Variants in MYO16 observed in about 807,000 individuals in gnomAD.
The protein encoded by MYO16 is myosin XVI.
Under a neutral mutation model 205.3 loss-of-function variants are expected in MYO16, and 94 were observed. That is an observed-to-expected ratio of 0.46 (90% CI 0.39 to 0.54). The LOEUF is 0.54. Ranked by LOEUF, MYO16 falls within the 20% of genes least tolerant of loss-of-function variation. The pLI is 0.00. For missense variants in MYO16, 2,315 were observed against 2,387.5 expected (o/e 0.97, Z 0.63); for synonymous variants, 988 against 954.0 (o/e 1.04, Z -0.66).
intron 15 of MYO16, among the ~76,000 whole-genome samples, chr13:108,903,520 A>ATG (rs1383432231): frequency 1.3e-5 from 2 of 152,178 alleles, no homozygotes; most frequent in African/African-American, 4.8e-5. Context: ...CAATATGTAT[A>ATG]TGTATTTTTT....
chr13:108,723,187 T>A (rs923367514), intron 3 of MYO16, among the ~76,000 whole-genome samples: 2 of 152,180 alleles, frequency 1.3e-5, no homozygotes, highest in African/African-American at 4.8e-5. Context: ...TATTTTGCCT[T>A]ATCTTTGAAG....
chr13:108,814,969 A>C lies in MYO16; in HGVS notation c.868-5368A>C, dbSNP rs373959844. On this transcript the variant is annotated intron_variant, in intron 7 of 34. Coordinates refer to ENST00000457511, the MANE Select transcript of MYO16 (RefSeq NM_001198950.3). ...TGAAAATGAAAGGCAAGGTTAGGAA[A>C]GGAGAAAGGATAATGAAAATAGCAA... 1.4e-4 allele frequency among the ~76,000 whole-genome samples: 21 copies of C among 152,370 alleles called. No homozygotes were observed. In the East Asian group the frequency reaches 3.9e-3, roughly 28 times the overall value.
chr13:108,862,762 T>C (rs1878506752), intron 11 of MYO16, among the ~76,000 whole-genome samples: 1 of 152,212 alleles, frequency 6.6e-6, no homozygotes, highest in African/African-American at 2.4e-5. Flanking sequence ...GTATTGGTAT[T>C]GCATTGAATA....
intron 4 of MYO16, among the ~76,000 whole-genome samples, chr13:108,732,677 G>A (rs1884562688): frequency 6.6e-6 from 1 of 152,182 alleles, no homozygotes; most frequent in Non-Finnish European, 1.5e-5. Flanking sequence ...GGAAGCCCTG[G>A]GAAGAAGGAG....
chr13:108,711,555 G>A (rs371715769), intron 2 of MYO16, among the ~76,000 whole-genome samples: 14 of 152,186 alleles, frequency 9.2e-5, no homozygotes, highest in African/African-American at 2.4e-4. Flanking sequence ...TGCACCCACC[G>A]TCAAAGAGCT....
At chr13:108,891,007 T>A (rs897325452) in intron 14 of MYO16, among the ~76,000 whole-genome samples, 2 of 152,198 alleles carry the variant, frequency 1.3e-5, no homozygotes, top group African/African-American at 4.8e-5. Context: ...TGCCTGTCCC[T>A]GGAATTCAGA....
At chr13:108,915,376 A>C (rs1237369331) in intron 16 of MYO16, among the ~76,000 whole-genome samples, 2 of 152,208 alleles carry the variant, frequency 1.3e-5, no homozygotes, top group Non-Finnish European at 2.9e-5. Flanking sequence ...CAAAAATCCA[A>C]ACCAAGAAAT....
intron 20 of MYO16, among the ~76,000 whole-genome samples, chr13:108,988,517 C>G (rs1884715411): frequency 6.6e-6 from 1 of 151,994 alleles, no homozygotes; most frequent in African/African-American, 2.4e-5. Flanking sequence ...GAATACCCTT[C>G]CAATCAAATG....
the MYO16 span, among the ~76,000 whole-genome samples, chr13:108,501,685 C>T: frequency 2.0e-5 from 3 of 152,208 alleles, no homozygotes; most frequent in Non-Finnish European, 4.4e-5. Flanking sequence ...CAACCTTGGC[C>T]TGCTGTGTAC....
Position 108,969,694 on chromosome 13 carries a change from G to A in MYO16, c.2369+4792G>A, listed in dbSNP as rs556435518. The stretch of plus-strand genomic sequence containing the variant: ...TCTTTTACAGTGTTAGCACGTTTGA[G>A]AGGCAAACAGCACCATTGTAGGGCT... On this transcript the variant is annotated intron_variant, in intron 20 of 34. Transcript: ENST00000457511. 2.0e-5 allele frequency among the ~76,000 whole-genome samples: 3 copies of A among 152,354 alleles called. No homozygotes were observed. The East Asian group carries it at 5.8e-4, about 29-fold the overall frequency.
chr13:108,959,733 C>T (rs1302011129), intron 17 of MYO16, among the ~76,000 whole-genome samples: 2 of 152,128 alleles, frequency 1.3e-5, no homozygotes, highest in African/African-American at 4.8e-5. Context: ...CCCGTCTAGC[C>T]GGGCGGCAGG....
chr13:108,963,442 A>G (rs1393336704), intron 19 of MYO16, among the ~76,000 whole-genome samples: 2 of 152,050 alleles, frequency 1.3e-5, no homozygotes, highest in Admixed American at 6.6e-5. Flanking sequence ...CGCCATAAAT[A>G]TCTCCCATTC....
At chr13:108,691,714 G>A (rs1431522672) in intron 2 of MYO16, among the ~76,000 whole-genome samples, 1 of 152,100 alleles carries the variant, frequency 6.6e-6, no homozygotes, top group Non-Finnish European at 1.5e-5. Flanking sequence ...AGGGGATACA[G>A]GATGTACTTA....
intron 1 of MYO16, among the ~76,000 whole-genome samples, chr13:108,603,277 G>T (rs1026804905): frequency 3.9e-5 from 6 of 152,174 alleles, no homozygotes; most frequent in South Asian, 4.2e-4. Flanking sequence ...ACAATGTTTT[G>T]ATCAATCTTG....
intron 20 of MYO16, among the ~76,000 whole-genome samples, chr13:108,982,376 A>T (rs1285645613): frequency 1.3e-5 from 2 of 152,212 alleles, no homozygotes; most frequent in African/African-American, 4.8e-5. Flanking sequence ...TTTTACTTTA[A>T]CATACAACTT....
At chr13:108,929,945 A>T (rs1230915553) in intron 16 of MYO16, among the ~76,000 whole-genome samples, 1 of 152,248 alleles carries the variant, frequency 6.6e-6, no homozygotes, top group African/African-American at 2.4e-5. Flanking sequence ...AATGAACCTA[A>T]GCTATATGCA....
At chr13:108,717,830 A>T (rs1884009249) in intron 3 of MYO16, among the ~76,000 whole-genome samples, 1 of 152,160 alleles carries the variant, frequency 6.6e-6, no homozygotes, top group East Asian at 1.9e-4. Context: ...CAGGTTGGGG[A>T]AAAGGGGACC....
chr13:109,108,905 G>A (rs2139732635), intron 28 of MYO16, among the ~76,000 whole-genome samples: 1 of 152,298 alleles, frequency 6.6e-6, no homozygotes, highest in East Asian at 1.9e-4. Context: ...GAGAGTAGGA[G>A]GGCTGGGGAC....
intron 1 of MYO16, among the ~76,000 whole-genome samples, chr13:108,656,166 A>G (rs1235284510): frequency 1.3e-5 from 2 of 151,832 alleles, no homozygotes; most frequent in Non-Finnish European, 2.9e-5. Context: ...TTCTCCCATA[A>G]CTCCCACATG....
Sources: allele counts gnomAD v4.1 joint callset (sites outside exome capture counted in the v4.1 genomes callset), GRCh38; gene constraint gnomAD v4.1.1; transcripts MANE v1.5; gene names NCBI Gene and HGNC (gene_info 2026-07-23, HGNC 2026-07-21).